The following ERCC8 variants were observed in gnomAD, a reference collection of about 807,000 sequenced individuals.
ERCC8 encodes ERCC excision repair 8, CSA ubiquitin ligase complex subunit.
ERCC8 carries 52 observed loss-of-function variants against 54.9 expected under a neutral mutation model. The observed-to-expected ratio is 0.95, with a 90% CI of 0.76 to 1.19. ERCC8 has a LOEUF of 1.19. Among genes scored for constraint, ERCC8 ranks in the 50% most tolerant of loss-of-function variants. The pLI is 0.00. For synonymous variants in ERCC8, 146 were observed against 157.2 expected, an observed-to-expected ratio of 0.93 and a Z score of 0.53; for missense variants, 514 against 466.1, an observed-to-expected ratio of 1.10 and a Z score of -0.95.
intron 11 of ERCC8, among the ~76,000 whole-genome samples, chr5:60,881,784 A>C (rs1017347098): frequency 6.6e-6 from 1 of 152,090 alleles, no homozygotes; most frequent in African/African-American, 2.4e-5. Flanking sequence ...TAAGAAAGGG[A>C]ATTCCCTGAC....
chr5:60,894,783 TG>T (rs1475227259), intron 9 of ERCC8, among the ~76,000 whole-genome samples: 6 of 152,172 alleles, frequency 3.9e-5, no homozygotes, highest in African/African-American at 1.4e-4. Context: ...TTGATAAGCT[TG>T]GGGTGAGTGT....
rs1029083432 is a variant in ERCC8 at position 60,893,530 on chromosome 5, C to G, written c.844-2444G>C. On this transcript the variant is annotated intron_variant, in intron 9 of 11. Coordinates refer to ENST00000676185, the MANE Select transcript of ERCC8 (RefSeq NM_000082.4). The stretch of plus-strand genomic sequence containing the variant: ...TTTGTTTTGCAGGCTTCTTACAGCC[C>G]TTGGAAACTTTACCTGGCTTTTCAT... 23 of 753,824 alleles carry G rather than the reference C, an allele frequency of 3.1e-5. No individual in the cohort carries two copies. In the African/African-American group the frequency reaches 3.6e-4, roughly 12 times the overall value. The allele number at this position is 753,824 out of a possible 1,614,324, so 46.7% of individuals were successfully genotyped here. A position where few individuals can be genotyped will look rare whatever the true frequency, so the allele number is the denominator to read the frequency against.
chr5:60,874,758 T>C, intron 11 of ERCC8, 75 bp from the exon 12 acceptor site: 1 of 1,198,228 alleles, frequency 8.3e-7, no homozygotes, highest in South Asian at 1.4e-5. Context: ...ACAATAAAGT[T>C]ATGAAATATA....
intron 9 of ERCC8, chr5:60,893,344 CTT>C: frequency 2.4e-6 from 2 of 847,544 alleles, no homozygotes; most frequent in South Asian, 1.3e-5. Flanking sequence ...CACAGTAGCT[CTT>C]GATAGACCTG....
intron 9 of ERCC8, chr5:60,893,170 T>C: frequency 3.2e-6 from 3 of 937,582 alleles, no homozygotes; most frequent in Non-Finnish European, 3.5e-6. Context: ...AATGGGTCTC[T>C]GGCATCCAGG....
In ERCC8 at chr5:60,944,996, A is replaced by G. The variant is rs1436317018; in HGVS notation, c.13T>C (p.Leu5=). 1 of 1,614,072 alleles carries G rather than the reference A, an allele frequency of 6.2e-7. No homozygotes were observed. Among genetic ancestry groups the G allele is most frequent in the South Asian group, 1.1e-5 (1 of 91,078 alleles). MLGF[L]SARQTGLEDP... ...TCCAAACCCGTTTGGCGTGCGGACA[A>G]AAACCCCAGCATATCGTGTCCTCAC... Residue 5 remains leucine, a synonymous_variant, in exon 1 of 12, where the codon TTG becomes CTG. Coordinates refer to ENST00000676185, the MANE Select transcript of ERCC8 (RefSeq NM_000082.4).
At chr5:60,926,351 T>C (rs1307960287) in intron 2 of ERCC8, among the ~76,000 whole-genome samples, 3 of 152,226 alleles carry the variant, frequency 2.0e-5, no homozygotes, top group Non-Finnish European at 4.4e-5. Flanking sequence ...ATGGTGTGTG[T>C]AATGATGTAG....
At chr5:60,917,522 A>G (rs530967114) in intron 4 of ERCC8, 1 of 152,068 alleles carries the variant, frequency 6.6e-6, no homozygotes, top group Middle Eastern at 3.2e-3. Flanking sequence ...AAAATGTAGA[A>G]GGTAAGGCAG....
rs1748967242 is a variant in ERCC8 at position 60,903,659 on chromosome 5, T to C, written c.539A>G (p.His180Arg). The C allele has an allele frequency of 1.2e-6, 2 of 1,612,474 alleles. No homozygotes were observed. Among genetic ancestry groups the C allele is most frequent in the African/African-American group, 1.3e-5 (1 of 74,868 alleles). ...TAAAATAAAAATACCCTGTAGAATG[T>C]GAGAACAGGATCCAGACTTCAAGTC... ...LCDLKSGSCS[H>R]ILQGHRQEIL... Residue 180 changes from histidine to arginine, a missense_variant, in exon 6 of 12, where the codon CAC becomes CGC. Coordinates refer to ENST00000676185, the MANE Select transcript of ERCC8 (RefSeq NM_000082.4).
intron 11 of ERCC8, among the ~76,000 whole-genome samples, chr5:60,875,133 T>C (rs539817407): frequency 9.1e-4 from 138 of 152,322 alleles, no homozygotes; most frequent in African/African-American, 3.2e-3. Flanking sequence ...AAAATAACTT[T>C]TATAAATAAA....
intron 1 of ERCC8, chr5:60,932,096 A>G (rs158928): frequency 0.15 from 22,492 of 152,238 alleles, 2,132 homozygotes; most frequent in South Asian, 0.28. Flanking sequence ...ATACTAAGTG[A>G]GAAAGCTTAC....
chr5:60,928,062 A>T (rs1273450408), intron 2 of ERCC8, among the ~76,000 whole-genome samples: 1 of 152,226 alleles, frequency 6.6e-6, no homozygotes. Context: ...CACATGAAAC[A>T]TACCATAACA....
intron 1 of ERCC8, among the ~76,000 whole-genome samples, chr5:60,940,065 C>T (rs1420727536): frequency 6.6e-6 from 1 of 152,070 alleles, no homozygotes; most frequent in African/African-American, 2.4e-5. Flanking sequence ...TTATTGTCTG[C>T]TAGATCTTTT....
At chr5:60,881,170 A>G (rs1041157832) in intron 11 of ERCC8, among the ~76,000 whole-genome samples, 1 of 152,072 alleles carries the variant, frequency 6.6e-6, no homozygotes. Context: ...AGACTGCAGA[A>G]CAGTGGATAT....
At chr5:60,919,301 T>A (rs1021199685) in intron 3 of ERCC8, 3 of 151,944 alleles carry the variant, frequency 2.0e-5, no homozygotes, top group African/African-American at 7.2e-5. Context: ...GTTATGATGG[T>A]TGGTGAAGCT....
At chr5:60,906,601 C>T (rs1011306651) in intron 4 of ERCC8, among the ~76,000 whole-genome samples, 5 of 151,732 alleles carry the variant, frequency 3.3e-5, no homozygotes, top group South Asian at 2.1e-4. Flanking sequence ...TGGTGGCAGG[C>T]GCCTGTAATC....
intron 5 of ERCC8, among the ~76,000 whole-genome samples, 188 bp downstream of exon 5, chr5:60,904,604 A>C (rs1748997752): frequency 7.3e-6 from 1 of 136,612 alleles, no homozygotes; most frequent in South Asian, 2.4e-4. Flanking sequence ...ATAGTACAAT[A>C]TCTGTTGAAT....
intron 4 of ERCC8, chr5:60,907,384 GCT>G (rs1181700128): frequency 7.4e-6 from 1 of 135,368 alleles, no homozygotes; most frequent in East Asian, 2.2e-4. Context: ...AGATGGAGTC[GCT>G]CTGTTGCCCA....
intron 4 of ERCC8, among the ~76,000 whole-genome samples, chr5:60,910,429 AG>A (rs1364379519): frequency 6.6e-6 from 1 of 152,180 alleles, no homozygotes; most frequent in Non-Finnish European, 1.5e-5. Context: ...ATCTTCTAAG[AG>A]TCTGATAGAA....
Sources: gnomAD v4.1 joint callset for allele counts (sites outside exome capture counted in the v4.1 genomes callset) on GRCh38, gnomAD v4.1.1 for gene constraint, MANE v1.5 for transcripts, NCBI Gene and HGNC (gene_info 2026-07-23, HGNC 2026-07-21) for gene names.